The following SOBP variants were observed in gnomAD, a reference collection of about 807,000 sequenced individuals.
SOBP encodes sine oculis-binding protein homolog.
A neutral mutation model predicts 53.6 loss-of-function variants in SOBP; 4 were observed. The ratio of observed to expected loss-of-function variants is 0.07; its 90% CI spans 0.04 to 0.17. The LOEUF is 0.17. Ranked by LOEUF, SOBP falls within the 10% of genes least tolerant of loss-of-function variation. The pLI is 1.00. For missense variants in SOBP, 1,088 were observed against 1,204.7 expected (o/e 0.90, Z 1.43); for synonymous variants, 584 against 522.6 (o/e 1.12, Z -1.60).
In SOBP at chr6:107,660,820, A is replaced by C. The variant is rs1020913056; in HGVS notation, c.*2617A>C. 6.6e-6 allele frequency among the ~76,000 whole-genome samples: 1 copy of C among 152,228 alleles called. No homozygotes were observed. The highest frequency in any genetic ancestry group is 2.4e-5 in the African/African-American group (1 of 41,462). ...TTAGTTGATTTAGCTTCTCAAAAAA[A>C]TGAATGTTCATTAAAATCTGAGGCA... On this transcript the variant is annotated 3_prime_UTR_variant, in exon 7 of 7. Transcript: ENST00000317357.
At chr6:107,554,148 C>A (rs1313405703) in intron 4 of SOBP, among the ~76,000 whole-genome samples, 1 of 152,096 alleles carries the variant, frequency 6.6e-6, no homozygotes, top group Non-Finnish European at 1.5e-5. Context: ...TTTTGAGTAA[C>A]CCTCCAGTAA....
chr6:107,562,788 A>G (rs1784809515), intron 4 of SOBP, among the ~76,000 whole-genome samples: 1 of 152,180 alleles, frequency 6.6e-6, no homozygotes, highest in Non-Finnish European at 1.5e-5. Context: ...AATAACATCA[A>G]AATGATGAAA....
chr6:107,590,460 G>A lies in SOBP; in HGVS notation c.669+3285G>A, dbSNP rs1177308614. Among the ~76,000 whole-genome samples, 3 of 152,176 alleles carry A rather than the reference G, an allele frequency of 2.0e-5. No homozygotes were observed. The East Asian group carries it at 5.8e-4, about 29-fold the overall frequency. Reference sequence around the variant, plus strand: ...TTGGTTGGAAAAAAAGCCAGGCTTAGGAAGTTTGAAAGGGGAACTAAGAGA... The same window carrying A: ...TTGGTTGGAAAAAAAGCCAGGCTTAAGAAGTTTGAAAGGGGAACTAAGAGA... On this transcript the variant is annotated intron_variant, in intron 5 of 6. Transcript: ENST00000317357.
At chr6:107,605,820 C>G (rs1275389081) in intron 5 of SOBP, among the ~76,000 whole-genome samples, 1 of 152,192 alleles carries the variant, frequency 6.6e-6, no homozygotes, top group Non-Finnish European at 1.5e-5. Context: ...CCCTGTTAAG[C>G]ATGGAGAATC....
chr6:107,556,395 T>C (rs1416783572), intron 4 of SOBP, among the ~76,000 whole-genome samples: 1 of 152,244 alleles, frequency 6.6e-6, no homozygotes, highest in Non-Finnish European at 1.5e-5. Flanking sequence ...AGTGCTATAC[T>C]TCTGTGCACA....
At chr6:107,532,670 A>G (rs1783864926) in intron 3 of SOBP, among the ~76,000 whole-genome samples, 1 of 152,170 alleles carries the variant, frequency 6.6e-6, no homozygotes, top group African/African-American at 2.4e-5. Flanking sequence ...GAGCAACCCC[A>G]TGACATGACA....
At position 107,557,071 on chromosome 6, in the gene SOBP, T is replaced by A. The variant is rs372352528; in HGVS notation, c.573+23461T>A. Among the ~76,000 whole-genome samples the A allele has an allele frequency of 5.3e-5, 8 of 152,356 alleles. No homozygotes were observed. The East Asian group carries it at 1.3e-3, about 26-fold the overall frequency. On this transcript the variant is annotated intron_variant, in intron 4 of 6. Coordinates refer to ENST00000317357, the MANE Select transcript of SOBP (RefSeq NM_018013.4). ...ATCTCTCCTTTCTGATCTTTACCAG[T>A]TCTTATATTTGGTAAACATATATAT... is the stretch of plus-strand genomic sequence containing the variant.
At chr6:107,621,058 A>G (rs1786986908) in intron 5 of SOBP, 3 of 422,574 alleles carry the variant, frequency 7.1e-6, no homozygotes, top group Admixed American at 6.4e-5. Context: ...TAGCTCTAAA[A>G]TAAGGTATGT....
At chr6:107,577,656 CA>C (rs1176568990) in intron 4 of SOBP, among the ~76,000 whole-genome samples, 1 of 152,140 alleles carries the variant, frequency 6.6e-6, no homozygotes, top group African/African-American at 2.4e-5. Flanking sequence ...TAGAAGTCCA[CA>C]AAGGAGATTG....
intron 5 of SOBP, among the ~76,000 whole-genome samples, chr6:107,620,656 A>G (rs537846619): frequency 2.0e-5 from 3 of 152,262 alleles, no homozygotes; most frequent in South Asian, 2.1e-4. Flanking sequence ...GAACATGCCA[A>G]TCTGTATCAA....
At chr6:107,565,350 G>A (rs1230441498) in intron 4 of SOBP, among the ~76,000 whole-genome samples, 5 of 152,198 alleles carry the variant, frequency 3.3e-5, no homozygotes, top group Non-Finnish European at 7.3e-5. Context: ...TGCCCCTGCA[G>A]GTTCAGTCAG....
chr6:107,535,676 C>A (rs1783976934), intron 4 of SOBP, among the ~76,000 whole-genome samples: 1 of 148,170 alleles, frequency 6.7e-6, no homozygotes, highest in Non-Finnish European at 1.5e-5. Context: ...ACTAGTCTAT[C>A]ATTTGTTGGC....
intron 6 of SOBP, among the ~76,000 whole-genome samples, chr6:107,649,820 T>G (rs1771727918): frequency 6.6e-6 from 1 of 152,168 alleles, no homozygotes; most frequent in African/African-American, 2.4e-5. Context: ...GAGGATCCAT[T>G]GTCCAAGGTG....
At position 107,506,288 on chromosome 6, in the gene SOBP, A is replaced by G. The variant is rs1583151590; in HGVS notation, c.282A>G (p.Ser94=). 2 of 1,614,186 alleles carry G rather than the reference A, an allele frequency of 1.2e-6. No individual in the cohort carries two copies. The highest frequency in any genetic ancestry group is 8.5e-7 in the Non-Finnish European group (1 of 1,180,032). ...KPKLPEDSVI[S]PYNISTGYSG... ...AATTACCCGAGGACAGTGTTATTTC[A>G]CCATACAATATAAGCACAGGCTATT... The change falls in exon 3 of 7, where the codon TCA becomes TCG. Residue 94 remains serine, a synonymous_variant. Coordinates refer to ENST00000317357, the MANE Select transcript of SOBP (RefSeq NM_018013.4).
intron 3 of SOBP, among the ~76,000 whole-genome samples, chr6:107,515,892 G>A (rs949752838): frequency 2.0e-5 from 3 of 152,018 alleles, no homozygotes; most frequent in Admixed American, 6.6e-5. Context: ...AGGAATGCAA[G>A]GTTGGTTTAA....
At chr6:107,637,833 T>C (rs944033914) in intron 6 of SOBP, among the ~76,000 whole-genome samples, 4 of 152,218 alleles carry the variant, frequency 2.6e-5, no homozygotes, top group Admixed American at 1.3e-4. Context: ...TTGGATGATA[T>C]ATGTTTCTGA....
chr6:107,510,000 T>A (rs1243095204), intron 3 of SOBP: 2 of 152,242 alleles, frequency 1.3e-5, no homozygotes, highest in Non-Finnish European at 2.9e-5. Flanking sequence ...AGGAGCTTAT[T>A]CTCTTAGTTA....
intron 4 of SOBP, among the ~76,000 whole-genome samples, chr6:107,562,663 A>G (rs1216911334): frequency 6.6e-6 from 1 of 152,234 alleles, no homozygotes; most frequent in African/African-American, 2.4e-5. Flanking sequence ...AGTAGAGGTG[A>G]CAAAGTATGA....
intron 4 of SOBP, among the ~76,000 whole-genome samples, chr6:107,540,096 A>G (rs1376060166): frequency 1.3e-5 from 2 of 152,234 alleles, no homozygotes; most frequent in Non-Finnish European, 2.9e-5. Flanking sequence ...GAATAAGTGC[A>G]GGCATAAAAG....
Sources: allele counts gnomAD v4.1 joint callset (sites outside exome capture counted in the v4.1 genomes callset), GRCh38; gene constraint gnomAD v4.1.1; transcripts MANE v1.5; gene names NCBI Gene and HGNC (gene_info 2026-07-23, HGNC 2026-07-21).